The following ADAMTS10 variants were observed in gnomAD, a reference collection of about 807,000 sequenced individuals.
ADAMTS10 encodes the protein A disintegrin and metalloproteinase with thrombospondin motifs 10.
ADAMTS10 carries 48 observed loss-of-function variants against 135.9 expected under a neutral mutation model. That is an observed-to-expected ratio of 0.35 (90% CI 0.28 to 0.45). ADAMTS10 has a LOEUF of 0.45. ADAMTS10 is among the 20% of genes least tolerant of loss of function. The pLI, the probability that ADAMTS10 is intolerant of heterozygous loss-of-function variation, is 1.00. For missense variants in ADAMTS10, 1,131 were observed against 1,565.2 expected (o/e 0.72, Z 4.68); for synonymous variants, 621 against 647.5 (o/e 0.96, Z 0.62).
intron 12 of ADAMTS10, 164 bp downstream of exon 12, chr19:8,595,598 C>T (rs2042593068): frequency 1.8e-6 from 2 of 1,090,536 alleles, no homozygotes; most frequent in South Asian, 1.4e-5. Context: ...TTTGCACACT[C>T]CATGCACCTC....
intron 25 of ADAMTS10, among the ~76,000 whole-genome samples, chr19:8,581,821 C>T (rs1487290728): frequency 6.1e-5 from 9 of 147,772 alleles, no homozygotes; most frequent in Non-Finnish European, 1.3e-4. Context: ...GGAGACAGAG[C>T]GAGACTCTGT....
In ADAMTS10 at chr19:8,585,007, G is replaced by A. The variant is rs1250531885; in HGVS notation, c.3090C>T (p.Cys1030=). 2.6e-6 allele frequency: 4 copies of A among 1,539,540 alleles called. No individual in the cohort carries two copies. The African/African-American group carries it at 4.1e-5, about 16-fold the overall frequency. Residue 1030 remains cysteine, a synonymous_variant, in exon 25 of 26, where the codon TGC becomes TGT. Transcript: ENST00000597188. ...GCGACGCCTGGCCCGTGTGGCTGGT[G>A]CAGCGCACCGAGCGCTGCCGCTGCC... ...GVGQRQRSVR[C]TSHTGQASHE...
At chr19:8,582,323 C>T (rs145338776) in intron 25 of ADAMTS10, among the ~76,000 whole-genome samples, 5,880 of 151,966 alleles carry the variant, frequency 0.039, 278 homozygotes, top group African/African-American at 0.12. Flanking sequence ...CAAAAATTAG[C>T]CGGGCGTGGT....
rs2042605952 is a variant in ADAMTS10, at chr19:8,596,434, G to A, written c.1085-22C>T. 6 of 1,613,780 alleles carry A rather than the reference G, an allele frequency of 3.7e-6. No individual in the cohort carries two copies. The highest frequency in any genetic ancestry group is 1.1e-5 in the South Asian group (1 of 91,052). On this transcript the variant is annotated intron_variant, in intron 9 of 25. Coordinates refer to ENST00000597188, the MANE Select transcript of ADAMTS10 (RefSeq NM_030957.4). This position sits in a 1 kb window ranked among gnomAD's most constrained non-coding sequence, Gnocchi z 7.2. ...AGGCCTGGGAAGACGGACATGTGGG[G>A]ATGGGGCTGGGAGGCTCAGGACGGT... is the stretch of plus-strand genomic sequence containing the variant.
At chr19:8,598,832 C>T (rs2042633495) in intron 6 of ADAMTS10, among the ~76,000 whole-genome samples, 1 of 151,986 alleles carries the variant, frequency 6.6e-6, no homozygotes, top group South Asian at 2.1e-4. Context: ...GCCTCGGCCT[C>T]CCAAAGTGTT....
At chr19:8,610,101 C>T (rs555050453) in intron 1 of ADAMTS10, among the ~76,000 whole-genome samples, 1 of 151,888 alleles carries the variant, frequency 6.6e-6, no homozygotes, top group African/African-American at 2.4e-5. Context: ...ACACACAGGC[C>T]TACACGCTGA....
At chr19:8,589,399 T>G in intron 17 of ADAMTS10, 34 bp from the exon 18 acceptor site, 218 of 934,172 alleles carry the variant, frequency 2.3e-4, no homozygotes, top group Middle Eastern at 7.2e-4. Context: ...GGCGACCCCC[T>G]AACCCACCCC....
At chr19:8,591,731 T>C (rs2042531385) in intron 15 of ADAMTS10, 69 bp downstream of exon 15, 1 of 1,584,576 alleles carries the variant, frequency 6.3e-7, no homozygotes, top group Non-Finnish European at 8.6e-7. Flanking sequence ...TGAGCCACGG[T>C]GCCCGGCCTC....
At position 8,580,805 on chromosome 19, in the gene ADAMTS10, C is replaced by T; in HGVS notation, c.*88G>A. The T allele has an allele frequency of 3.7e-6, 4 of 1,077,380 alleles. No homozygotes were observed. Among genetic ancestry groups the T allele is most frequent in the Non-Finnish European group, 2.7e-6 (2 of 734,990 alleles). 66.7% of individuals were successfully genotyped at this position (1,077,380 alleles called of 1,614,324 possible). ...CCGTCTCACCCTTCCCTCCCAGTTC[C>T]CGCCCCCCCGGGGCCCCCTCTGGCC... is the stretch of plus-strand genomic sequence containing the variant. On this transcript the variant is annotated 3_prime_UTR_variant, in exon 26 of 26. Transcript: ENST00000597188.
chr19:8,587,008 A>T (rs1163222877), intron 18 of ADAMTS10, 112 bp from the exon 19 acceptor site: 17 of 1,097,836 alleles, frequency 1.5e-5, no homozygotes, highest in Non-Finnish European at 2.3e-5. Context: ...CTAAACACAC[A>T]TCTAACTGCA....
At chr19:8,589,011 C>T (rs1196443546) in intron 18 of ADAMTS10, among the ~76,000 whole-genome samples, 3 of 152,118 alleles carry the variant, frequency 2.0e-5, no homozygotes, top group Non-Finnish European at 2.9e-5. Flanking sequence ...AGGCTGGTCT[C>T]AAACTCCTGG....
Position 8,586,291 on chromosome 19 carries a change from C to A in ADAMTS10, c.2531-40G>T, listed in dbSNP as rs575961068. 11 of 1,613,306 alleles carry A rather than the reference C, an allele frequency of 6.8e-6. No homozygotes were observed. The East Asian group carries it at 2.2e-4, about 33-fold the overall frequency. ...GAGAGGCCTGCTCAGCCCCTCCCGGCCCAGAGAACCTCAGCCCAGGTATCT... is the reference window on the plus strand; with the variant it reads ...GAGAGGCCTGCTCAGCCCCTCCCGGACCAGAGAACCTCAGCCCAGGTATCT... On this transcript the variant is annotated intron_variant, in intron 21 of 25. Transcript: ENST00000597188.
rs1307466542 is a variant in ADAMTS10 at position 8,596,766 on chromosome 19, T to C, written c.1041-181A>G. On this transcript the variant is annotated intron_variant, in intron 8 of 25. Coordinates refer to ENST00000597188, the MANE Select transcript of ADAMTS10 (RefSeq NM_030957.4). The surrounding 1 kb of genome is among the most constrained non-coding windows in gnomAD (Gnocchi z 7.2). ...ATGAATGCATGCATGCATGCATGAGTGGGAGAATAAGTGAATGAGGGCATC... is the reference window on the plus strand; with the variant it reads ...ATGAATGCATGCATGCATGCATGAGCGGGAGAATAAGTGAATGAGGGCATC... Among the ~76,000 whole-genome samples, 1 of 152,052 alleles carries C rather than the reference T, an allele frequency of 6.6e-6. No homozygotes were observed. The highest frequency in any genetic ancestry group is 1.5e-5 in the Non-Finnish European group (1 of 68,012).
At chr19:8,603,982 C>A in intron 4 of ADAMTS10, 98 bp from the exon 5 acceptor site, 2 of 1,272,370 alleles carry the variant, frequency 1.6e-6, no homozygotes, top group Non-Finnish European at 2.1e-6. Flanking sequence ...TCATTCTTAT[C>A]AGGTTTATTT....
At chr19:8,603,298 G>A (rs782002716) in intron 5 of ADAMTS10, among the ~76,000 whole-genome samples, 6 of 152,054 alleles carry the variant, frequency 3.9e-5, no homozygotes, top group Admixed American at 6.6e-5. Context: ...TTTTTGAGAC[G>A]GAGTCTTGCT....
At chr19:8,603,657 A>G in intron 5 of ADAMTS10, 71 bp downstream of exon 5, 2 of 1,600,350 alleles carry the variant, frequency 1.2e-6, no homozygotes, top group Non-Finnish European at 1.7e-6. Flanking sequence ...CTTTCTGGAT[A>G]AAAAGACACT....
In ADAMTS10 at chr19:8,596,739, G is replaced by A. The variant is rs552433625; in HGVS notation, c.1041-154C>T. 8.1e-4 allele frequency among the ~76,000 whole-genome samples: 124 copies of A among 152,254 alleles called. No homozygotes were observed. Among genetic ancestry groups the A allele is most frequent in the African/African-American group, 2.9e-3 (119 of 41,556 alleles). ...TACAGGAGTGACTGACCACATGAAT[G>A]AATGAATGCATGCATGCATGCATGA... On this transcript the variant is annotated intron_variant, in intron 8 of 25. Transcript: ENST00000597188. The surrounding 1 kb of genome is among the most constrained non-coding windows in gnomAD (Gnocchi z 7.2).
chr19:8,599,934 A>C (rs1482492651), intron 6 of ADAMTS10, among the ~76,000 whole-genome samples: 1 of 151,892 alleles, frequency 6.6e-6, no homozygotes, highest in African/African-American at 2.4e-5. Context: ...TCCCTGGTTC[A>C]AGCGATTCTC....
intron 6 of ADAMTS10, among the ~76,000 whole-genome samples, chr19:8,600,648 G>A (rs369207853): frequency 1.3e-3 from 195 of 151,912 alleles, no homozygotes; most frequent in African/African-American, 3.5e-3. Context: ...ACAGGCGCCC[G>A]CCACCACACT....
Sources: gnomAD v4.1 joint callset for allele counts (sites outside exome capture counted in the v4.1 genomes callset) on GRCh38, gnomAD v4.1.1 for gene constraint, Gnocchi (gnomAD v3.1) non-coding constraint, MANE v1.5 for transcripts, NCBI Gene and HGNC (gene_info 2026-07-23, HGNC 2026-07-21) for gene names.